The following MSRA variants were observed in gnomAD, a reference collection of about 807,000 sequenced individuals.
The protein encoded by MSRA is mitochondrial peptide methionine sulfoxide reductase.
In MSRA, 54 loss-of-function variants were observed where a neutral mutation model predicts 31.3. That is an observed-to-expected ratio of 1.73 (90% CI 1.39 to 2.17). MSRA has a LOEUF of 2.17. Ranked by LOEUF, MSRA falls within the 30% of genes most tolerant of loss-of-function variation. The probability of loss-of-function intolerance (pLI) is 0.00; values close to 1 mark genes in which losing one functional copy is unlikely to be tolerated. For synonymous variants in MSRA, 169 were observed against 116.5 expected, an observed-to-expected ratio of 1.45 and a Z score of -2.90; for missense variants, 507 against 300.9, an observed-to-expected ratio of 1.69 and a Z score of -5.07.
intron 1 of MSRA, chr8:10,096,199 C>G (rs1799146663): frequency 1.6e-6 from 2 of 1,248,542 alleles, no homozygotes; most frequent in Non-Finnish European, 2.0e-6. Flanking sequence ...AAAGCAACAG[C>G]TTTTATTTCT....
intron 2 of MSRA, among the ~76,000 whole-genome samples, chr8:10,229,763 C>G (rs554497308): frequency 2.6e-5 from 4 of 152,176 alleles, no homozygotes; most frequent in Non-Finnish European, 5.9e-5. Flanking sequence ...GTAAGTGTTT[C>G]AGCACGTAAG....
chr8:10,223,817 A>G (rs1267451928), intron 2 of MSRA, among the ~76,000 whole-genome samples: 4 of 152,180 alleles, frequency 2.6e-5, no homozygotes, highest in Non-Finnish European at 5.9e-5. Flanking sequence ...TTGGGTGGGG[A>G]GAAAGATGGG....
chr8:10,413,051 C>G (rs373248510), intron 5 of MSRA, among the ~76,000 whole-genome samples: 3 of 152,304 alleles, frequency 2.0e-5, no homozygotes, highest in East Asian at 3.9e-4. Context: ...TCATAATAGC[C>G]AGAAACAGGA....
At chr8:10,148,625 C>G (rs1287438320) in intron 1 of MSRA, among the ~76,000 whole-genome samples, 2 of 148,850 alleles carry the variant, frequency 1.3e-5, no homozygotes, top group Non-Finnish European at 3.0e-5. Context: ...TCAGCCTGGG[C>G]AAGAGAGTGA....
intron 5 of MSRA, among the ~76,000 whole-genome samples, chr8:10,405,739 G>A (rs1807766256): frequency 6.6e-6 from 1 of 151,882 alleles, no homozygotes; most frequent in Admixed American, 6.5e-5. Flanking sequence ...TCACACACGT[G>A]TGTTCACACA....
At chr8:10,227,221 G>T (rs1811075823) in intron 2 of MSRA, among the ~76,000 whole-genome samples, 1 of 152,174 alleles carries the variant, frequency 6.6e-6, no homozygotes, top group Non-Finnish European at 1.5e-5. Context: ...TACCAGAGTT[G>T]TCTTCAAGAG....
chr8:10,154,877 T>C (rs1452049358), intron 1 of MSRA, among the ~76,000 whole-genome samples: 1 of 151,814 alleles, frequency 6.6e-6, no homozygotes, highest in Non-Finnish European at 1.5e-5. Context: ...AAAAAGGAAG[T>C]GTAGTTTTTA....
chr8:10,086,145 TC>T (rs1193800095), intron 1 of MSRA, among the ~76,000 whole-genome samples: 1 of 152,204 alleles, frequency 6.6e-6, no homozygotes, highest in Non-Finnish European at 1.5e-5. Flanking sequence ...CATGTTATAT[TC>T]CCAGCAGCAA....
chr8:10,171,969 C>A (rs146296201), intron 1 of MSRA, among the ~76,000 whole-genome samples: 104 of 152,280 alleles, frequency 6.8e-4, no homozygotes, highest in African/African-American at 2.3e-3. Context: ...GTAATGGAAC[C>A]AGAGGAACTT....
intron 1 of MSRA, among the ~76,000 whole-genome samples, chr8:10,204,507 C>T (rs898685082): frequency 6.6e-6 from 1 of 152,120 alleles, no homozygotes; most frequent in Non-Finnish European, 1.5e-5. Context: ...CATTGTATTA[C>T]AGTTGACTAC....
chr8:10,225,931 A>G (rs1043460943), intron 2 of MSRA, among the ~76,000 whole-genome samples: 2 of 152,218 alleles, frequency 1.3e-5, no homozygotes, highest in Admixed American at 1.3e-4. Flanking sequence ...TGCCAGAAAG[A>G]CGTAAGGTGT....
intron 5 of MSRA, among the ~76,000 whole-genome samples, chr8:10,368,465 C>T (rs1805292267): frequency 6.6e-6 from 1 of 152,186 alleles, no homozygotes; most frequent in African/African-American, 2.4e-5. Context: ...GAGTGTTGAT[C>T]TGCGGAAGCC....
intron 1 of MSRA, among the ~76,000 whole-genome samples, chr8:10,081,068 G>A (rs1798269641): frequency 6.6e-6 from 1 of 152,232 alleles, no homozygotes; most frequent in South Asian, 2.1e-4. Context: ...TGGAGGCAGG[G>A]CAGGGCAGGG....
At chr8:10,141,873 T>C (rs1802741337) in intron 1 of MSRA, among the ~76,000 whole-genome samples, 1 of 152,238 alleles carries the variant, frequency 6.6e-6, no homozygotes, top group Admixed American at 6.5e-5. Context: ...GCCTAGCTGG[T>C]AGTAGGCACT....
At chr8:10,226,629 A>G (rs1319319361) in intron 2 of MSRA, among the ~76,000 whole-genome samples, 1 of 152,258 alleles carries the variant, frequency 6.6e-6, no homozygotes, top group Non-Finnish European at 1.5e-5. Flanking sequence ...AGACACATTT[A>G]GGAAATAGAA....
chr8:10,194,913 G>A (rs143542324), intron 1 of MSRA, among the ~76,000 whole-genome samples: 16 of 152,262 alleles, frequency 1.1e-4, no homozygotes, highest in Middle Eastern at 3.4e-3. Flanking sequence ...TTTTATTTCC[G>A]TTTCTGAAAA....
intron 1 of MSRA, among the ~76,000 whole-genome samples, chr8:10,159,304 GT>G: frequency 6.6e-6 from 1 of 152,322 alleles, no homozygotes; most frequent in Non-Finnish European, 1.5e-5. Flanking sequence ...GGAGAGTGGT[GT>G]GTGCAGATCT....
chr8:10,203,041 C>T (rs987618326), intron 1 of MSRA, among the ~76,000 whole-genome samples: 3 of 152,106 alleles, frequency 2.0e-5, no homozygotes, highest in African/African-American at 7.2e-5. Context: ...ATGTAAGACT[C>T]AGCTGTATTT....
At chr8:10,095,421 C>G in intron 1 of MSRA, 2 of 967,148 alleles carry the variant, frequency 2.1e-6, no homozygotes, top group Non-Finnish European at 2.5e-6. Flanking sequence ...GGTACCGTAC[C>G]ACGGTTTCCT....
Sources: gnomAD v4.1 joint callset for allele counts (sites outside exome capture counted in the v4.1 genomes callset) on GRCh38, gnomAD v4.1.1 for gene constraint, MANE v1.5 for transcripts, NCBI Gene and HGNC (gene_info 2026-07-23, HGNC 2026-07-21) for gene names.